FANCL: variants seen among roughly 807,000 people sequenced by gnomAD.
FANCL encodes the protein FA complementation group L, also known as E3 ubiquitin-protein ligase FANCL.
FANCL carries 69 observed loss-of-function variants against 59.4 expected under a neutral mutation model. The observed-to-expected ratio is 1.16, with a 90% CI of 0.96 to 1.42. FANCL has a LOEUF of 1.42. Among genes scored for constraint, FANCL ranks in the 40% most tolerant of loss-of-function variants. The pLI, the probability that FANCL is intolerant of heterozygous loss-of-function variation, is 0.00. For synonymous variants in FANCL, 180 were observed against 147.1 expected (o/e 1.22, Z -1.62); for missense variants, 519 against 447.2 (o/e 1.16, Z -1.45).
intron 1 of FANCL, 86 bp downstream of exon 1, chr2:58,241,132 C>G (rs1045176300): frequency 3.5e-6 from 5 of 1,444,264 alleles, no homozygotes; most frequent in Non-Finnish European, 4.8e-6. Flanking sequence ...GTCTGGGCCC[C>G]TAACCTCCTA....
At chr2:58,204,295 G>C in intron 5 of FANCL, 69 bp from the exon 6 acceptor site, 1 of 1,139,038 alleles carries the variant, frequency 8.8e-7, no homozygotes, top group Non-Finnish European at 1.3e-6. Context: ...GGAGATGGTT[G>C]AATTTGAAAT....
intron 7 of FANCL, among the ~76,000 whole-genome samples, chr2:58,189,035 T>C (rs1469649438): frequency 6.6e-6 from 1 of 152,162 alleles, no homozygotes; most frequent in Non-Finnish European, 1.5e-5. Flanking sequence ...TAAGATTCTG[T>C]AAACTGCAAA....
intron 4 of FANCL, among the ~76,000 whole-genome samples, chr2:58,224,636 C>A (rs1313636647): frequency 2.0e-5 from 3 of 151,714 alleles, no homozygotes; most frequent in Admixed American, 2.0e-4. Context: ...ACAAGGATCA[C>A]AAAGAAATAT....
rs1295171852 is a variant in FANCL at position 58,214,022 on chromosome 2, T to C, written c.374+7920A>G. Reference sequence around the variant, plus strand: ...GTGGTGTTATGTACCCAGCCCTGTCTATATACACTTGTTTTATAGAAAAAG... The same window carrying C: ...GTGGTGTTATGTACCCAGCCCTGTCCATATACACTTGTTTTATAGAAAAAG... On this transcript the variant is annotated intron_variant, in intron 5 of 13. Transcript: ENST00000233741. 2.0e-5 allele frequency among the ~76,000 whole-genome samples: 3 copies of C among 152,204 alleles called. No homozygotes were observed. The East Asian group carries it at 5.8e-4, about 29-fold the overall frequency.
rs1490113525 is a variant in FANCL at position 58,165,820 on chromosome 2, C to T, written c.595G>A (p.Ala199Thr). Residue 199 changes from alanine (A) to threonine (T), a missense_variant, in exon 8 of 14, where the codon GCA becomes ACA. Physicochemically the swap from Ala to Thr is moderately conservative, Grantham distance 58. Transcript: ENST00000233741. Reference sequence around the variant, plus strand: ...ATTTCATCCATAACATCCCAGAATGCCTTTAGTGATTCTATTGCTGCCAAA... The same window carrying T: ...ATTTCATCCATAACATCCCAGAATGTCTTTAGTGATTCTATTGCTGCCAAA... ...QFLAAIESLK[A>T]FWDVMDEIDE... The T allele has an allele frequency of 1.2e-6, 2 of 1,613,846 alleles. No individual in the cohort carries two copies. Among genetic ancestry groups the T allele is most frequent in the Non-Finnish European group, 1.7e-6 (2 of 1,179,904 alleles).
chr2:58,218,843 T>C (rs2103682510), intron 5 of FANCL, among the ~76,000 whole-genome samples: 1 of 151,862 alleles, frequency 6.6e-6, no homozygotes, highest in South Asian at 2.1e-4. Flanking sequence ...TGGACTGGAG[T>C]TGTAGACATC....
In FANCL at chr2:58,221,990, T is replaced by G. The variant is rs1274734318; in HGVS notation, c.326A>C (p.Gln109Pro). 1.9e-6 allele frequency: 3 copies of G among 1,613,564 alleles called. No homozygotes were observed. The highest frequency in any genetic ancestry group is 8.5e-7 in the Non-Finnish European group (1 of 1,179,604). ...CTCTTCAATAAGGCTTGAGTAGAAC[T>G]GGGGAGGAGGAGGTAGTGCATACAG... ...QELYALPPPP[Q>P]FYSSLIEEIG... Residue 109 changes from glutamine to proline, a missense_variant, in exon 5 of 14, where the codon CAG becomes CCG. Gln to Pro is a moderately conservative substitution (Grantham distance 76). Transcript: ENST00000233741.
intron 3 of FANCL, among the ~76,000 whole-genome samples, chr2:58,227,730 G>C (rs1316049827): frequency 1.3e-5 from 2 of 152,190 alleles, no homozygotes; most frequent in African/African-American, 4.8e-5. Flanking sequence ...TGGCAGGCCA[G>C]GGTGGTCTTG....
chr2:58,230,444 A>C (rs1693470347), intron 2 of FANCL, among the ~76,000 whole-genome samples: 1 of 152,134 alleles, frequency 6.6e-6, no homozygotes, highest in African/African-American at 2.4e-5. Flanking sequence ...CTGGGACTAC[A>C]GACACCCACC....
chr2:58,204,049 C>T (rs898618507), intron 6 of FANCL, 81 bp downstream of exon 6: 4 of 1,067,700 alleles, frequency 3.7e-6, no homozygotes, highest in Non-Finnish European at 4.4e-6. Flanking sequence ...GTAACTAGCA[C>T]TTCTTTACAT....
chr2:58,219,102 T>C (rs1040923029), intron 5 of FANCL, among the ~76,000 whole-genome samples: 1 of 89,806 alleles, frequency 1.1e-5, no homozygotes, highest in Non-Finnish European at 2.2e-5. Context: ...GCAGGAAATA[T>C]ACAAAATTTC....
chr2:58,204,372 T>C (rs111423047), intron 5 of FANCL, 146 bp from the exon 6 acceptor site: 1 of 710,686 alleles, frequency 1.4e-6, no homozygotes, highest in East Asian at 2.6e-5. Context: ...TGCCAACCCT[T>C]TCTGCTGCTA....
At chr2:58,204,273 G>T (rs747077812) in intron 5 of FANCL, 47 bp from the exon 6 acceptor site, 1 of 1,352,880 alleles carries the variant, frequency 7.4e-7, no homozygotes. Context: ...GGGAGAGCTG[G>T]AGAGGGGAAC....
At chr2:58,204,705 T>C (rs548269316) in intron 5 of FANCL, among the ~76,000 whole-genome samples, 5 of 152,260 alleles carry the variant, frequency 3.3e-5, no homozygotes, top group African/African-American at 1.2e-4. Flanking sequence ...TATTTGTTCA[T>C]ATACTCAAAT....
At chr2:58,173,194 C>A (rs1360019358) in intron 7 of FANCL, among the ~76,000 whole-genome samples, 2 of 152,166 alleles carry the variant, frequency 1.3e-5, no homozygotes, top group African/African-American at 4.8e-5. Context: ...GACAATGGAA[C>A]CAAGTTGGAA....
At chr2:58,178,666 C>G (rs932133714) in intron 7 of FANCL, among the ~76,000 whole-genome samples, 2 of 151,950 alleles carry the variant, frequency 1.3e-5, no homozygotes, top group African/African-American at 4.8e-5. Flanking sequence ...CTTTGCAAAC[C>G]AGCACAAGAC....
At chr2:58,162,977 T>C (rs779043657) in intron 10 of FANCL, 30 bp from the exon 11 acceptor site, 1 of 1,612,414 alleles carries the variant, frequency 6.2e-7, no homozygotes, top group Non-Finnish European at 8.5e-7. Context: ...AATTATGCTG[T>C]GAACTTTGTA....
intron 3 of FANCL, among the ~76,000 whole-genome samples, chr2:58,229,405 C>T (rs1319516671): frequency 1.3e-5 from 2 of 152,120 alleles, no homozygotes; most frequent in Admixed American, 6.5e-5. Context: ...TATGCAAGTA[C>T]ACATGATCCT....
intron 7 of FANCL, among the ~76,000 whole-genome samples, chr2:58,176,818 G>C (rs1193635256): frequency 1.3e-5 from 2 of 152,112 alleles, no homozygotes; most frequent in African/African-American, 2.4e-5. Context: ...CACAGCAAAA[G>C]AAACTACCAT....
Sources: gnomAD v4.1 joint callset for allele counts (sites outside exome capture counted in the v4.1 genomes callset) on GRCh38, gnomAD v4.1.1 for gene constraint, MANE v1.5 for transcripts, NCBI Gene and HGNC (gene_info 2026-07-23, HGNC 2026-07-21) for gene names.